The following TPM4 variants were observed in gnomAD, a reference collection of about 807,000 sequenced individuals.
The protein encoded by TPM4 is tropomyosin 4, also known as tropomyosin alpha-4 chain.
A neutral mutation model predicts 35.8 loss-of-function variants in TPM4; 17 were observed. The ratio of observed to expected loss-of-function variants is 0.47; its 90% CI spans 0.32 to 0.71. TPM4 has a LOEUF of 0.71. Ranked by LOEUF, TPM4 falls within the 30% of genes least tolerant of loss-of-function variation. The pLI is 0.03. For synonymous variants in TPM4, 120 were observed against 122.9 expected, an observed-to-expected ratio of 0.98 and a Z score of 0.15; for missense variants, 240 against 320.9, an observed-to-expected ratio of 0.75 and a Z score of 1.93.
intron 1 of TPM4, among the ~76,000 whole-genome samples, chr19:16,079,457 T>G (rs1428200447): frequency 6.6e-6 from 1 of 152,214 alleles, no homozygotes; most frequent in African/African-American, 2.4e-5. Flanking sequence ...CACCCATTCA[T>G]GGGAAGGCCT....
chr19:16,088,041 G>T lies in TPM4; in HGVS notation c.399G>T (p.Leu133=), dbSNP rs1043692580. The change falls in exon 4 of 8, where the codon CTG becomes CTT. Residue 133 remains leucine (L), a synonymous_variant. Coordinates refer to ENST00000643579, the MANE Select transcript of TPM4 (RefSeq NM_003290.3). ...DRKYEEVARK[L]VILEGELERA... ...TGTCTCTGCAGGTAGCTCGTAAGCT[G>T]GTCATCCTGGAGGGTGAGCTGGAGA... is the stretch of plus-strand genomic sequence containing the variant. 3.7e-6 allele frequency: 6 copies of T among 1,611,870 alleles called. No individual in the cohort carries two copies. Among genetic ancestry groups the T allele is most frequent in the African/African-American group, 1.3e-5 (1 of 74,886 alleles).
chr19:16,073,740 C>T (rs140567907), upstream of TPM4, among the ~76,000 whole-genome samples: 43 of 152,088 alleles, frequency 2.8e-4, no homozygotes, highest in East Asian at 8.3e-3. Flanking sequence ...GTGACATCAG[C>T]TGAACCTCCA....
In TPM4 at chr19:16,070,583, G is replaced by A. The variant is rs938209386; in HGVS notation, c.114+2845G>A. 6.6e-6 allele frequency among the ~76,000 whole-genome samples: 1 copy of A among 152,202 alleles called. No homozygotes were observed. Among genetic ancestry groups the A allele is most frequent in the African/African-American group, 2.4e-5 (1 of 41,450 alleles). On this transcript the variant is annotated intron_variant, in intron 2 of 2. Transcript: ENST00000589897. The surrounding 1 kb of genome is among the most constrained non-coding windows in gnomAD (Gnocchi z 7.4). ...CAGTCGCTAGGTGTCCCGGACGCCT[G>A]CATGAGTGAGATACGGAAGTGACAG... is the stretch of plus-strand genomic sequence containing the variant.
At chr19:16,076,254 G>T (rs1349090432), upstream of TPM4, 3 of 1,534,610 alleles carry the variant, frequency 2.0e-6, no homozygotes, top group Non-Finnish European at 2.6e-6. Context: ...GCCGCAGGGG[G>T]AGGAGGAAGA....
At chr19:16,098,164 C>T (rs949878260) in intron 7 of TPM4, among the ~76,000 whole-genome samples, 3 of 152,280 alleles carry the variant, frequency 2.0e-5, no homozygotes, top group South Asian at 2.1e-4. Flanking sequence ...GTGCTATGGC[C>T]GGGCACGGTG....
intron 1 of TPM4, chr19:16,079,689 G>C (rs1418444397): frequency 5.0e-6 from 1 of 200,354 alleles, no homozygotes; most frequent in African/African-American, 2.3e-5. Context: ...GCAGGAGAGG[G>C]AGTGGTTTCC....
chr19:16,085,405 T>A (rs933645261), intron 2 of TPM4, among the ~76,000 whole-genome samples: 10 of 151,664 alleles, frequency 6.6e-5, no homozygotes, highest in African/African-American at 9.7e-5. Context: ...CCACAAAAAA[T>A]TTTTTTTTAG....
intron 5 of TPM4, among the ~76,000 whole-genome samples, chr19:16,090,291 T>A (rs1229717942): frequency 6.6e-6 from 1 of 151,736 alleles, no homozygotes; most frequent in Admixed American, 6.6e-5. Flanking sequence ...ACTGTATTTT[T>A]TTTTTTTTTT....
At chr19:16,074,163 T>G (rs938497361), upstream of TPM4, 1 of 151,686 alleles carries the variant, frequency 6.6e-6, no homozygotes. Context: ...TAACATACCC[T>G]CTTCAAGAAA....
At chr19:16,071,984 G>A (rs1169974525), upstream of TPM4, among the ~76,000 whole-genome samples, 2 of 152,216 alleles carry the variant, frequency 1.3e-5, no homozygotes, top group African/African-American at 2.4e-5. Context: ...ACCAGGCCCG[G>A]CTAATTTTTG....
chr19:16,085,925 C>T (rs577226705), intron 2 of TPM4, among the ~76,000 whole-genome samples: 24 of 151,832 alleles, frequency 1.6e-4, no homozygotes, highest in African/African-American at 5.3e-4. Context: ...AAAAGTTAGC[C>T]GGTCACGGTG....
At chr19:16,076,388 G>C (rs2090405345), upstream of TPM4, 1 of 1,389,670 alleles carries the variant, frequency 7.2e-7, no homozygotes, top group Non-Finnish European at 9.2e-7. Context: ...TGACGTCGGC[G>C]GTCCGGCCGG....
intron 1 of TPM4, chr19:16,076,909 G>C: frequency 9.0e-7 from 1 of 1,107,048 alleles, no homozygotes; most frequent in South Asian, 4.0e-5. Context: ...GACAGGGGAG[G>C]GGGCGCCGCC....
upstream of TPM4, among the ~76,000 whole-genome samples, chr19:16,074,035 TAC>T (rs966281027): frequency 1.6e-4 from 14 of 89,226 alleles, no homozygotes; most frequent in African/African-American, 4.4e-4. Context: ...AAAAAAAACA[TAC>T]ACACACACAC....
intron 4 of TPM4, 117 bp from the exon 5 acceptor site, chr19:16,088,928 C>T: frequency 6.5e-7 from 1 of 1,533,736 alleles, no homozygotes; most frequent in Non-Finnish European, 8.8e-7. Context: ...ATTCCTTCTG[C>T]CCCCCACCGG....
chr19:16,101,112 A>T, intron 7 of TPM4, 152 bp from the exon 8 acceptor site: 1 of 512,392 alleles, frequency 2.0e-6, no homozygotes, highest in Non-Finnish European at 3.4e-6. Context: ...TGAAGGTTGC[A>T]GTGAGCCAAG....
chr19:16,093,010 A>G (rs1248021593), intron 5 of TPM4: 1 of 166,064 alleles, frequency 6.0e-6, no homozygotes, highest in Non-Finnish European at 1.3e-5. Flanking sequence ...GCTCACCACC[A>G]TGACTGGCTA....
At position 16,088,024 on chromosome 19, in the gene TPM4, C is replaced by A. The variant is rs1386450246; in HGVS notation, c.385-3C>A. ...GCTCAGCTGGGCCTTTCTGTCTCTG[C>A]AGGTAGCTCGTAAGCTGGTCATCCT... On this transcript the variant is annotated splice_polypyrimidine_tract_variant and splice_region_variant and intron_variant, in intron 3 of 7. Transcript: ENST00000643579. 1.9e-6 allele frequency: 3 copies of A among 1,609,852 alleles called. No individual in the cohort carries two copies. Among genetic ancestry groups the A allele is most frequent in the Non-Finnish European group, 2.5e-6 (3 of 1,178,728 alleles).
upstream of TPM4, among the ~76,000 whole-genome samples, chr19:16,073,082 G>A (rs1278620685): frequency 6.6e-6 from 1 of 151,742 alleles, no homozygotes; most frequent in Non-Finnish European, 1.5e-5. Context: ...GGTGGCTCAT[G>A]CCTGTTGTCC....
Sources: allele counts gnomAD v4.1 joint callset (sites outside exome capture counted in the v4.1 genomes callset), GRCh38; gene constraint gnomAD v4.1.1; non-coding constraint Gnocchi (gnomAD v3.1); transcripts MANE v1.5; gene names NCBI Gene and HGNC (gene_info 2026-07-23, HGNC 2026-07-21).